The following RTTN variants were observed in gnomAD, a reference collection of about 807,000 sequenced individuals.
RTTN encodes the protein rotatin.
A neutral mutation model predicts 269.2 loss-of-function variants in RTTN; 182 were observed. The observed-to-expected ratio is 0.68, with a 90% CI of 0.60 to 0.76. The LOEUF is 0.76. Among genes scored for constraint, RTTN ranks in the 30% least tolerant of loss-of-function variants. The probability of loss-of-function intolerance (pLI) is 0.00; values close to 1 mark genes in which losing one functional copy is unlikely to be tolerated. For missense variants in RTTN, 2,545 were observed against 2,608.6 expected (o/e 0.98, Z 0.53); for synonymous variants, 1,006 against 963.5 (o/e 1.04, Z -0.82).
chr18:70,087,856 T>C (rs181013798), intron 31 of RTTN, 133 bp downstream of exon 31: 2 of 834,236 alleles, frequency 2.4e-6, no homozygotes, highest in Middle Eastern at 2.6e-4. Context: ...TACTGTCATT[T>C]TGTTTGGGTG....
Position 70,054,333 on chromosome 18 carries a change from C to T in RTTN, c.5032-49G>A, listed in dbSNP as rs750989553. 5.9e-6 allele frequency: 9 copies of T among 1,523,116 alleles called. No homozygotes were observed. In the East Asian group the frequency reaches 1.6e-4, roughly 28 times the overall value. The allele number at this position is 1,523,116 out of a possible 1,614,324, so 94.4% of individuals were successfully genotyped here. On this transcript the variant is annotated intron_variant, in intron 37 of 48. Transcript: ENST00000640769. ...AAATCAAACATGCCATATAAAAAGCCCATCTCAGTGATACAGCATTTTACT... is the reference window on the plus strand; with the variant it reads ...AAATCAAACATGCCATATAAAAAGCTCATCTCAGTGATACAGCATTTTACT...
At chr18:70,129,032 T>A (rs2059934117) in intron 23 of RTTN, 1 of 152,434 alleles carries the variant, frequency 6.6e-6, no homozygotes, top group East Asian at 1.9e-4. Flanking sequence ...ACTAAATGAC[T>A]GAATTCCAGC....
chr18:70,092,981 T>C (rs1274003689), intron 28 of RTTN, among the ~76,000 whole-genome samples, 177 bp from the exon 29 acceptor site: 1 of 152,216 alleles, frequency 6.6e-6, no homozygotes, highest in African/African-American at 2.4e-5. Context: ...ATGGGTATTT[T>C]ACCATTGTTA....
At chr18:70,028,936 AG>A in intron 42 of RTTN, 135 bp from the exon 43 acceptor site, 1 of 516,866 alleles carries the variant, frequency 1.9e-6, no homozygotes, top group Non-Finnish European at 3.4e-6. Context: ...TGTAACTTTG[AG>A]GGAACTGACA....
At chr18:70,120,825 C>T (rs565706035) in intron 26 of RTTN, among the ~76,000 whole-genome samples, 6 of 152,050 alleles carry the variant, frequency 3.9e-5, no homozygotes, top group South Asian at 2.1e-4. Context: ...CCAAGGTGGG[C>T]GGATCACCTG....
chr18:70,169,518 T>C (rs2061082245), intron 11 of RTTN, among the ~76,000 whole-genome samples: 1 of 152,176 alleles, frequency 6.6e-6, no homozygotes, highest in South Asian at 2.1e-4. Flanking sequence ...ATTAATGACA[T>C]ATTAATAACA....
chr18:70,041,280 A>G lies in RTTN; in HGVS notation c.5541+6691T>C, dbSNP rs140452836. ...AAATTGCTCACTAGCAATTGGGAGC[A>G]GGGTTGGGTCGGAGTTAAGACTCCT... On this transcript the variant is annotated intron_variant, in intron 40 of 48. Coordinates refer to ENST00000640769, the MANE Select transcript of RTTN (RefSeq NM_173630.4). 2.8e-3 allele frequency among the ~76,000 whole-genome samples: 432 copies of G among 152,168 alleles called. 2 individuals are homozygous for G. The highest frequency in any genetic ancestry group is 9.9e-3 in the African/African-American group (413 of 41,546).
intron 14 of RTTN, among the ~76,000 whole-genome samples, chr18:70,165,282 C>A (rs904947271): frequency 1.3e-5 from 2 of 151,296 alleles, no homozygotes; most frequent in South Asian, 2.1e-4. Flanking sequence ...ATATAAAATT[C>A]TTTAAATTAT....
chr18:70,017,406 C>T lies in RTTN; in HGVS notation c.6421+1G>A, dbSNP rs374274442. 50 of 1,613,008 alleles carry T rather than the reference C, an allele frequency of 3.1e-5. No homozygotes were observed. The highest frequency in any genetic ancestry group is 4.1e-5 in the Non-Finnish European group (48 of 1,179,508). On this transcript the variant is annotated splice_donor_variant, in intron 46 of 48. Transcript: ENST00000640769. LOFTEE classifies it high-confidence loss of function. ...AAATGTATGTGTGTGTGAAAACTTA[C>T]CATTAGCCAGGATCTTGGGTTTATT...
chr18:70,096,660 T>C (rs998552646), intron 28 of RTTN, among the ~76,000 whole-genome samples: 36 of 152,230 alleles, frequency 2.4e-4, no homozygotes, highest in African/African-American at 8.4e-4. Context: ...GCCTGTTCCT[T>C]ACTCTGGAAG....
chr18:70,033,377 T>A (rs140643115), intron 40 of RTTN, among the ~76,000 whole-genome samples: 1 of 152,206 alleles, frequency 6.6e-6, no homozygotes, highest in African/African-American at 2.4e-5. Context: ...CCATCCACAC[T>A]CTCAGACCAC....
intron 10 of RTTN, among the ~76,000 whole-genome samples, chr18:70,186,202 A>AAACAAATTGTGGT (rs2061543147): frequency 6.6e-6 from 1 of 152,234 alleles, no homozygotes; most frequent in South Asian, 2.1e-4. Flanking sequence ...GTGAATGGAT[A>AAACAAATTGTGGT]AACAAATTGT....
chr18:70,166,863 A>T, intron 13 of RTTN, 56 bp downstream of exon 13: 1 of 1,151,242 alleles, frequency 8.7e-7, no homozygotes, highest in Non-Finnish European at 1.3e-6. Flanking sequence ...TTCTAAGTTT[A>T]CACACACCCT....
chr18:70,025,052 C>T (rs1456307757), intron 43 of RTTN, among the ~76,000 whole-genome samples: 1 of 152,182 alleles, frequency 6.6e-6, no homozygotes, highest in African/African-American at 2.4e-5. Context: ...CGCTTCAACA[C>T]CAGGGTGGTT....
intron 46 of RTTN, among the ~76,000 whole-genome samples, chr18:70,011,268 TG>T (rs1333992490): frequency 2.0e-5 from 3 of 152,140 alleles, no homozygotes; most frequent in Admixed American, 6.5e-5. Context: ...TACAAAAACC[TG>T]GCAGAGACAC....
intron 10 of RTTN, among the ~76,000 whole-genome samples, chr18:70,180,203 C>G (rs574643141): frequency 1.3e-5 from 2 of 152,250 alleles, no homozygotes; most frequent in African/African-American, 4.8e-5. Context: ...CTACAAAAAG[C>G]CCTCACTGAG....
At position 70,197,758 on chromosome 18, in the gene RTTN, T is replaced by C. The variant is rs1447677108; in HGVS notation, c.579-20A>G. 11 of 1,447,568 alleles carry C rather than the reference T, an allele frequency of 7.6e-6. No individual in the cohort carries two copies. The allele number at this position is 1,447,568 out of a possible 1,614,324, so 89.7% of individuals were successfully genotyped here. On this transcript the variant is annotated intron_variant, in intron 5 of 48. Transcript: ENST00000640769. ...AAAGAGCTACAAAACATAGCGTTAA[T>C]CATTTTTAAGAAGAGTTCATCTATT...
chr18:70,124,731 T>C (rs962077821), intron 25 of RTTN, among the ~76,000 whole-genome samples: 2 of 152,206 alleles, frequency 1.3e-5, no homozygotes, highest in East Asian at 3.9e-4. Context: ...TATTAATATC[T>C]AGCACACCAT....
intron 3 of RTTN, among the ~76,000 whole-genome samples, chr18:70,203,650 A>G (rs977914035): frequency 6.6e-6 from 1 of 152,250 alleles, no homozygotes; most frequent in African/African-American, 2.4e-5. Flanking sequence ...GATGGACTGC[A>G]GCATATAAAA....
Sources: allele counts gnomAD v4.1 joint callset (sites outside exome capture counted in the v4.1 genomes callset), GRCh38; gene constraint gnomAD v4.1.1; transcripts MANE v1.5; gene names NCBI Gene and HGNC (gene_info 2026-07-23, HGNC 2026-07-21).